The following CSMD1 variants were observed in gnomAD, a reference collection of about 807,000 sequenced individuals.
CSMD1 encodes the protein CUB and sushi domain-containing protein 1.
A neutral mutation model predicts 417.5 loss-of-function variants in CSMD1; 213 were observed. The observed-to-expected ratio is 0.51, with a 90% CI of 0.46 to 0.57. The LOEUF (loss-of-function observed/expected upper bound fraction) is 0.57, where lower values mean the gene tolerates loss of function less well. Among genes scored for constraint, CSMD1 ranks in the 20% least tolerant of loss-of-function variants. The pLI is 0.00. For synonymous variants in CSMD1, 2,862 were observed against 1,736.8 expected (o/e 1.65, Z -16.11); for missense variants, 6,923 against 4,529.7 (o/e 1.53, Z -15.17).
chr8:4,566,041 A>T (rs935624315), intron 2 of CSMD1, among the ~76,000 whole-genome samples: 1 of 151,954 alleles, frequency 6.6e-6, no homozygotes, highest in African/African-American at 2.4e-5. Context: ...GAAACCTCTT[A>T]TAAGGTATTT....
intron 3 of CSMD1, among the ~76,000 whole-genome samples, chr8:4,190,658 T>G (rs1331378369): frequency 1.3e-5 from 2 of 151,886 alleles, no homozygotes; most frequent in East Asian, 3.9e-4. Flanking sequence ...GAGACTGAAA[T>G]CTTTGACTAT....
At chr8:4,099,901 G>C (rs1433743537) in intron 3 of CSMD1, among the ~76,000 whole-genome samples, 1 of 152,030 alleles carries the variant, frequency 6.6e-6, no homozygotes, top group Non-Finnish European at 1.5e-5. Context: ...GTTCAGACAT[G>C]GAGACTTTTC....
intron 9 of CSMD1, among the ~76,000 whole-genome samples, chr8:3,579,915 C>T (rs972729931): frequency 6.6e-6 from 1 of 152,072 alleles, no homozygotes; most frequent in East Asian, 1.9e-4. Context: ...ACCAGCATGG[C>T]CAACATGGTG....
At position 4,222,917 on chromosome 8, in the gene CSMD1, G is replaced by C. The variant is rs554828084; in HGVS notation, c.416-190818C>G. 3.3e-5 allele frequency among the ~76,000 whole-genome samples: 5 copies of C among 152,098 alleles called. No homozygotes were observed. In the East Asian group the frequency reaches 7.7e-4, roughly 24 times the overall value. On this transcript the variant is annotated intron_variant, in intron 3 of 69. Transcript: ENST00000635120. ...TGGGCAAGTGAAAGTTATGCAAAGC[G>C]TTTATAATCCAAGTCCTAAAAAGAC...
intron 22 of CSMD1, among the ~76,000 whole-genome samples, chr8:3,344,944 T>A (rs1487272894): frequency 6.6e-6 from 1 of 152,208 alleles, no homozygotes; most frequent in East Asian, 1.9e-4. Context: ...CATTATTTGG[T>A]TTATTCCATG....
At chr8:3,339,158 C>T (rs991665728) in intron 23 of CSMD1, among the ~76,000 whole-genome samples, 1 of 152,058 alleles carries the variant, frequency 6.6e-6, no homozygotes, top group Non-Finnish European at 1.5e-5. Flanking sequence ...CTACAAAGGA[C>T]ATGAACTCAT....
At position 4,071,765 on chromosome 8, in the gene CSMD1, T is replaced by A. The variant is rs536408189; in HGVS notation, c.416-39666A>T. ...ATATATTTATTTCGTCTTTGGGGTT[T>A]TATTTTTTATTCCTTGGCAGGAAAT... On this transcript the variant is annotated intron_variant, in intron 3 of 69. Transcript: ENST00000635120. Among the ~76,000 whole-genome samples the A allele has an allele frequency of 1.9e-4, 29 of 152,342 alleles. No homozygotes were observed. The East Asian group carries it at 4.6e-3, about 24-fold the overall frequency.
chr8:3,777,120 C>CTACA (rs1704683976), intron 5 of CSMD1, among the ~76,000 whole-genome samples: 1 of 43,966 alleles, frequency 2.3e-5, no homozygotes, highest in African/African-American at 8.9e-5. Context: ...CTATCTATAC[C>CTACA]TACACACACA....
At chr8:3,766,887 G>C (rs532621105) in intron 5 of CSMD1, among the ~76,000 whole-genome samples, 1 of 152,200 alleles carries the variant, frequency 6.6e-6, no homozygotes, top group Non-Finnish European at 1.5e-5. Context: ...TCACTTGATA[G>C]ACTGACGCAG....
chr8:4,474,575 G>C (rs1363025058), intron 2 of CSMD1, among the ~76,000 whole-genome samples: 2 of 152,168 alleles, frequency 1.3e-5, no homozygotes, highest in Non-Finnish European at 2.9e-5. Flanking sequence ...GCTCTAAAGA[G>C]AACCTTTAGG....
At chr8:4,630,037 T>C (rs1802413758) in intron 2 of CSMD1, among the ~76,000 whole-genome samples, 1 of 152,206 alleles carries the variant, frequency 6.6e-6, no homozygotes, top group South Asian at 2.1e-4. Flanking sequence ...GTTTTGCTGC[T>C]TTTTAAAAAA....
At position 4,503,442 on chromosome 8, in the gene CSMD1, T is replaced by A. The variant is rs147115252; in HGVS notation, c.303-83377A>T. ...AGAAAATACATTTATATTCGCAATA[T>A]GTTTCCAAATAAATTTAGAAAAAGA... On this transcript the variant is annotated intron_variant, in intron 2 of 69. Transcript: ENST00000635120. Among the ~76,000 whole-genome samples the A allele has an allele frequency of 3.3e-4, 51 of 152,290 alleles. No individual in the cohort carries two copies. The East Asian group carries it at 9.3e-3, about 28-fold the overall frequency.
chr8:3,867,932 A>G (rs780614265), intron 5 of CSMD1, among the ~76,000 whole-genome samples: 7 of 151,964 alleles, frequency 4.6e-5, no homozygotes, highest in Non-Finnish European at 8.8e-5. Flanking sequence ...GGACACCCTT[A>G]CAGCCAATCT....
intron 3 of CSMD1, among the ~76,000 whole-genome samples, chr8:4,351,888 A>T (rs1473333105): frequency 2.6e-5 from 4 of 152,062 alleles, no homozygotes; most frequent in Non-Finnish European, 5.9e-5. Flanking sequence ...TATGTGGATT[A>T]CGCACTACAG....
intron 2 of CSMD1, among the ~76,000 whole-genome samples, chr8:4,557,834 C>A (rs1186724116): frequency 6.6e-6 from 1 of 152,136 alleles, no homozygotes; most frequent in African/African-American, 2.4e-5. Flanking sequence ...CGTTTCATAG[C>A]TCTACATCAG....
intron 3 of CSMD1, among the ~76,000 whole-genome samples, chr8:4,217,872 A>C (rs1328261682): frequency 6.6e-6 from 1 of 152,186 alleles, no homozygotes; most frequent in East Asian, 1.9e-4. Context: ...CAGAAAGGAA[A>C]CATAAGAGGA....
At chr8:3,082,751 T>A (rs74715858) in intron 49 of CSMD1, among the ~76,000 whole-genome samples, 155 of 152,280 alleles carry the variant, frequency 1.0e-3, no homozygotes, top group Admixed American at 3.7e-3. Context: ...AAAAGAAACA[T>A]GTCAAGAAAT....
intron 2 of CSMD1, among the ~76,000 whole-genome samples, chr8:4,517,668 T>C (rs1203418541): frequency 1.3e-5 from 2 of 152,248 alleles, no homozygotes; most frequent in African/African-American, 4.8e-5. Flanking sequence ...TAAATGGGTA[T>C]GAATATATGT....
chr8:4,260,105 ACT>A (rs1468273472), intron 3 of CSMD1, among the ~76,000 whole-genome samples: 1 of 151,952 alleles, frequency 6.6e-6, no homozygotes, highest in Non-Finnish European at 1.5e-5. Flanking sequence ...AAATTGCTAG[ACT>A]CTTCAACAAA....
Sources: gnomAD v4.1 joint callset for allele counts (sites outside exome capture counted in the v4.1 genomes callset) on GRCh38, gnomAD v4.1.1 for gene constraint, MANE v1.5 for transcripts, NCBI Gene and HGNC (gene_info 2026-07-23, HGNC 2026-07-21) for gene names.